ADAM8: variants seen among roughly 807,000 people sequenced by gnomAD.
The protein encoded by ADAM8 is ADAM metallopeptidase domain 8, also known as disintegrin and metalloproteinase domain-containing protein 8.
A neutral mutation model predicts 102.4 loss-of-function variants in ADAM8; 104 were observed. The ratio of observed to expected loss-of-function variants is 1.02; its 90% CI spans 0.87 to 1.20. ADAM8 has a LOEUF of 1.20. ADAM8 is among the 50% of genes most tolerant of loss of function. The pLI is 0.00. For missense variants in ADAM8, 1,132 were observed against 1,159.0 expected (o/e 0.98, Z 0.34); for synonymous variants, 517 against 485.2 (o/e 1.07, Z -0.86).
At chr10:133,270,699 C>T (rs1174105614) in intron 15 of ADAM8, 37 bp downstream of exon 15, 6 of 1,583,858 alleles carry the variant, frequency 3.8e-6, no homozygotes, top group Non-Finnish European at 5.2e-6. Flanking sequence ...GCTGTGGGAA[C>T]AGCACATGTC....
rs1024516061 is a variant in ADAM8, at chr10:133,270,601, C to T, written c.1635-91G>A. 64 of 1,544,414 alleles carry T rather than the reference C, an allele frequency of 4.1e-5. No individual in the cohort carries two copies. The African/African-American group carries it at 5.2e-4, about 12-fold the overall frequency. On this transcript the variant is annotated intron_variant, in intron 15 of 22. Coordinates refer to ENST00000445355, the MANE Select transcript of ADAM8 (RefSeq NM_001109.5). ...AGTGACCCACCTCCCTCCCACAACA[C>T]GGTGCGCTTGAGCCTGGGGTCCATG...
intron 2 of ADAM8, chr10:133,274,777 C>A: frequency 2.6e-6 from 1 of 382,236 alleles, no homozygotes; most frequent in Non-Finnish European, 5.3e-6. Context: ...GGACCCATCC[C>A]TTCCAGCAGC....
intron 8 of ADAM8, 45 bp from the exon 9 acceptor site, chr10:133,272,630 G>A (rs776299151): frequency 7.4e-5 from 116 of 1,571,520 alleles, no homozygotes; most frequent in Middle Eastern, 1.8e-4. Context: ...GGTGGCGGAA[G>A]GTACAGCAGG....
In ADAM8 at chr10:133,270,528, G is replaced by A. The variant is rs1400298691; in HGVS notation, c.1635-18C>T. 6.3e-7 allele frequency: 1 copy of A among 1,575,794 alleles called. No homozygotes were observed. Among genetic ancestry groups the A allele is most frequent in the African/African-American group, 1.3e-5 (1 of 74,242 alleles). On this transcript the variant is annotated intron_variant, in intron 15 of 22. Transcript: ENST00000445355. ...TGTCAGCCCTGTGGATGGACGGCAG[G>A]TCGTGGGCCAGCTTGCCTGGGAGCA...
intron 1 of ADAM8, chr10:133,275,800 G>A (rs915827254): frequency 2.0e-6 from 1 of 510,228 alleles, no homozygotes; most frequent in African/African-American, 2.0e-5. Context: ...GTGTCCTGCA[G>A]CACCCACACA....
chr10:133,273,896 G>A (rs1056358906), intron 4 of ADAM8, 55 bp downstream of exon 4: 31 of 1,554,314 alleles, frequency 2.0e-5, no homozygotes, highest in South Asian at 8.2e-5. Flanking sequence ...CCACAGGCTC[G>A]GGGAGGGCCG....
intron 7 of ADAM8, 44 bp from the exon 8 acceptor site, chr10:133,272,910 T>C (rs1417621799): frequency 2.2e-5 from 35 of 1,610,648 alleles, no homozygotes; most frequent in Non-Finnish European, 2.9e-5. Flanking sequence ...ACACCCCCCA[T>C]GCCCCCGCCG....
At chr10:133,275,144 CAGGAAG>C (rs777595725) in intron 2 of ADAM8, among the ~76,000 whole-genome samples, 13 of 152,158 alleles carry the variant, frequency 8.5e-5, no homozygotes, top group Non-Finnish European at 1.3e-4. Flanking sequence ...CCCCCCAACA[CAGGAAG>C]GTGTGTCAAC....
In ADAM8 at chr10:133,269,529, C is replaced by T. The variant is rs767987983; in HGVS notation, c.1864G>A (p.Val622Met). 3.0e-5 allele frequency: 48 copies of T among 1,593,396 alleles called. No individual in the cohort carries two copies. In the South Asian group the frequency reaches 5.1e-4, roughly 17 times the overall value. Residue 622 changes from valine to methionine, a missense_variant and splice_region_variant, in exon 18 of 23, where the codon GTG becomes ATG. Coordinates refer to ENST00000445355, the MANE Select transcript of ADAM8 (RefSeq NM_001109.5). The stretch of plus-strand genomic sequence containing the variant: ...TGGCACTCCTGCTTGTGGTTGCACA[C>T]CTGCGGGGACGGCTGGGCTCAGGGC... The part of the protein sequence containing the change: ...NCSAQCHNHG[V>M]CNHKQECHCH...
At chr10:133,275,660 C>T in intron 1 of ADAM8, 73 bp from the exon 2 acceptor site, 1 of 774,068 alleles carries the variant, frequency 1.3e-6, no homozygotes. Context: ...CCTGGGCCCT[C>T]AGATTCTGTC....
chr10:133,267,497 G>C, intron 20 of ADAM8, 80 bp from the exon 21 acceptor site: 4 of 1,397,224 alleles, frequency 2.9e-6, no homozygotes, highest in Non-Finnish European at 3.9e-6. Flanking sequence ...CAGGATCCGA[G>C]GTTCCTGCCT....
At chr10:133,267,550 C>G (rs937842431) in intron 20 of ADAM8, 133 bp from the exon 21 acceptor site, 1 of 893,412 alleles carries the variant, frequency 1.1e-6, no homozygotes, top group Non-Finnish European at 1.7e-6. Context: ...CAGGGCCCCA[C>G]CCCAGATGAG....
chr10:133,272,324 T>TGCCAAC, intron 9 of ADAM8, 50 bp from the exon 10 acceptor site: 1 of 1,430,774 alleles, frequency 7.0e-7, no homozygotes, highest in Non-Finnish European at 9.4e-7. Context: ...CCTCCCCACT[T>TGCCAAC]CCCTCCCACC....
Position 133,268,061 on chromosome 10 carries a change from G to A in ADAM8, c.2121C>T (p.Ala707=), listed in dbSNP as rs1846386578. 7.9e-7 allele frequency: 1 copy of A among 1,270,136 alleles called. No individual in the cohort carries two copies. Among genetic ancestry groups the A allele is most frequent in the African/African-American group, 1.5e-5 (1 of 65,588 alleles). 78.7% of individuals were successfully genotyped at this position (1,270,136 alleles called of 1,614,324 possible). The part of the protein sequence containing the change: ...GRSNPLFHQA[A]SRVPAKGGAP... ...CCCCGCCCTTGGCCGGCACGCGGCTGGCAGCCTGGTGGAACAGGGGGTTGG... is the reference window on the plus strand; with the variant it reads ...CCCCGCCCTTGGCCGGCACGCGGCTAGCAGCCTGGTGGAACAGGGGGTTGG... Residue 707 remains alanine (A), a synonymous_variant, in exon 20 of 23, where the codon GCC becomes GCT. Coordinates refer to ENST00000445355, the MANE Select transcript of ADAM8 (RefSeq NM_001109.5).
rs143708841 is a variant in ADAM8, at chr10:133,273,957, G to T, written c.300C>A (p.Arg100=). Residue 100 remains arginine, a synonymous_variant, in exon 4 of 23, where the codon CGC becomes CGA. Coordinates refer to ENST00000445355, the MANE Select transcript of ADAM8 (RefSeq NM_001109.5). The stretch of plus-strand genomic sequence containing the variant: ...TGCTCCGCCCGACCCATACCTGCCC[G>T]CGAGGCTGCTCCGTCACCTCGGAGC... The part of the protein sequence containing the change: ...ANGSEVTEQP[R]GQDHCFYQGH... 15 of 1,600,682 alleles carry T rather than the reference G, an allele frequency of 9.4e-6. No individual in the cohort carries two copies. The highest frequency in any genetic ancestry group is 1.7e-4 in the Middle Eastern group (1 of 6,046).
chr10:133,263,170 G>C lies in ADAM8; in HGVS notation c.2461C>G (p.Pro821Ala), dbSNP rs576260903. The change falls in exon 23 of 23, where the codon CCC becomes GCC. Residue 821 changes from proline (P) to alanine (A), a missense_variant. Coordinates refer to ENST00000445355, the MANE Select transcript of ADAM8 (RefSeq NM_001109.5). The stretch of plus-strand genomic sequence containing the variant: ...CAGGTGCCCCCCTAGGGTGCTGTGG[G>C]AGCTCCGGCTCCTTGCTTCCTCTGG... ...PIQRKQGAGAPTAP is the reference protein window; with the variant it reads ...PIQRKQGAGAATAP 157 of 1,613,946 alleles carry C rather than the reference G, an allele frequency of 9.7e-5. No individual in the cohort carries two copies. In the African/African-American group the frequency reaches 1.9e-3, roughly 20 times the overall value.
At chr10:133,274,720 C>T (rs925999305) in intron 2 of ADAM8, 40 of 293,632 alleles carry the variant, frequency 1.4e-4, no homozygotes, top group East Asian at 1.4e-4. Context: ...AGGTGGGTGG[C>T]GGGGATAGCA....
Position 133,271,709 on chromosome 10 carries a change from G to C in ADAM8, c.1107-4C>G. On this transcript the variant is annotated splice_region_variant and splice_polypyrimidine_tract_variant and intron_variant, in intron 11 of 22. Transcript: ENST00000445355. ...GAACATCCTGGGGAAACTGGAGCTG[G>C]GGAGGCGGGGCAGCATTGGGGGAGG... 2 of 1,547,446 alleles carry C rather than the reference G, an allele frequency of 1.3e-6. No homozygotes were observed. Among genetic ancestry groups the C allele is most frequent in the Non-Finnish European group, 1.7e-6 (2 of 1,144,906 alleles).
rs1846778154 is a variant in ADAM8 at position 133,276,866 on chromosome 10, T to C, written c.-49A>G. 2 of 1,497,526 alleles carry C rather than the reference T, an allele frequency of 1.3e-6. No individual in the cohort carries two copies. Among genetic ancestry groups the C allele is most frequent in the African/African-American group, 1.5e-5 (1 of 68,560 alleles). The allele number at this position is 1,497,526 out of a possible 1,614,324, so 92.8% of individuals were successfully genotyped here. On this transcript the variant is annotated 5_prime_UTR_variant, in exon 1 of 23. Coordinates refer to ENST00000445355, the MANE Select transcript of ADAM8 (RefSeq NM_001109.5). ...GAGGTGACAGCCCCGCGGGACACGG[T>C]CTGGTTCCTGCGCTCCTGGCCCGAG...
Sources: allele counts gnomAD v4.1 joint callset (sites outside exome capture counted in the v4.1 genomes callset), GRCh38; gene constraint gnomAD v4.1.1; transcripts MANE v1.5; gene names NCBI Gene and HGNC (gene_info 2026-07-23, HGNC 2026-07-21).